The following PLXNA2 variants were observed in gnomAD, a reference collection of about 807,000 sequenced individuals.
PLXNA2 encodes plexin-A2.
PLXNA2 carries 91 observed loss-of-function variants against 193.5 expected under a neutral mutation model. The ratio of observed to expected loss-of-function variants is 0.47; its 90% confidence interval spans 0.40 to 0.56. The LOEUF (loss-of-function observed/expected upper bound fraction) is 0.56, where lower values mean the gene tolerates loss of function less well. Among genes scored for constraint, PLXNA2 ranks in the 20% least tolerant of loss-of-function variants. The probability of loss-of-function intolerance (pLI) is 0.00; values close to 1 mark genes in which losing one functional copy is unlikely to be tolerated. For missense variants in PLXNA2, 1,995 were observed against 2,503.2 expected (o/e 0.80, Z 4.33); for synonymous variants, 997 against 1,027.3 (o/e 0.97, Z 0.56).
chr1:208,210,063 C>T (rs1003663571), intron 3 of PLXNA2: 21 of 311,410 alleles, frequency 6.7e-5, no homozygotes, highest in Non-Finnish European at 1.1e-4. Context: ...TATTGAAATA[C>T]GCTTGCATTC....
At chr1:208,045,625 G>A (rs1208065449) in intron 18 of PLXNA2, among the ~76,000 whole-genome samples, 4 of 152,228 alleles carry the variant, frequency 2.6e-5, no homozygotes, top group African/African-American at 7.2e-5. Flanking sequence ...ACTCACTGCA[G>A]TACCTCTGGT....
At chr1:208,078,501 G>GTACC (rs1190570409) in intron 12 of PLXNA2, among the ~76,000 whole-genome samples, 1 of 152,158 alleles carries the variant, frequency 6.6e-6, no homozygotes, top group Non-Finnish European at 1.5e-5. Flanking sequence ...AGATCACTGG[G>GTACC]TACCTGCCTG....
intron 4 of PLXNA2, among the ~76,000 whole-genome samples, chr1:208,117,725 T>C (rs1019721292): frequency 2.6e-5 from 4 of 151,570 alleles, no homozygotes; most frequent in Non-Finnish European, 4.4e-5. Context: ...TTCCAGTTCA[T>C]GTGAGAAAGA....
intron 1 of PLXNA2, among the ~76,000 whole-genome samples, chr1:208,239,120 G>T (rs191482352): frequency 1.3e-5 from 2 of 150,782 alleles, no homozygotes; most frequent in African/African-American, 4.9e-5. Context: ...TGGGAGTTTC[G>T]AATATATCTC....
At chr1:208,046,212 C>G (rs1011346584) in intron 17 of PLXNA2, 95 bp from the exon 18 acceptor site, 2 of 1,421,466 alleles carry the variant, frequency 1.4e-6, no homozygotes, top group African/African-American at 2.8e-5. Context: ...TGCTTTTGTG[C>G]CTCGTCACTG....
intron 1 of PLXNA2, among the ~76,000 whole-genome samples, chr1:208,225,257 C>T (rs1671473270): frequency 6.6e-6 from 1 of 152,146 alleles, no homozygotes; most frequent in Admixed American, 6.5e-5. Flanking sequence ...ACCCTAAGTA[C>T]CTCAGAATGT....
chr1:208,083,722 G>A (rs1378285249), intron 10 of PLXNA2, among the ~76,000 whole-genome samples: 2 of 152,024 alleles, frequency 1.3e-5, no homozygotes, highest in African/African-American at 2.4e-5. Flanking sequence ...TCTTCTTGGG[G>A]TTAGTATTAT....
chr1:208,216,695 G>T, intron 2 of PLXNA2, 40 bp downstream of exon 2: 1 of 1,577,118 alleles, frequency 6.3e-7, no homozygotes, highest in Non-Finnish European at 8.6e-7. Flanking sequence ...TGGAACCTGT[G>T]TCATGGAGCA....
At chr1:208,166,912 C>A (rs193254555) in intron 3 of PLXNA2, among the ~76,000 whole-genome samples, 2 of 152,334 alleles carry the variant, frequency 1.3e-5, no homozygotes, top group Admixed American at 1.3e-4. Context: ...AACCATGAAG[C>A]TCTCAGCACA....
chr1:208,229,295 A>T (rs1489814844), intron 1 of PLXNA2, among the ~76,000 whole-genome samples: 1 of 152,150 alleles, frequency 6.6e-6, no homozygotes, highest in Admixed American at 6.5e-5. Flanking sequence ...TGTCTTTTTT[A>T]TGTGACTATT....
At chr1:208,162,520 T>G (rs114690832) in intron 3 of PLXNA2, among the ~76,000 whole-genome samples, 273 of 152,334 alleles carry the variant, frequency 1.8e-3, no homozygotes, top group Middle Eastern at 0.01. Context: ...TGTGCTTCTT[T>G]CTTTGAGGAG....
chr1:208,210,434 C>A lies in PLXNA2; in HGVS notation c.1217G>T (p.Gly406Val). The A allele has an allele frequency of 1.9e-6, 3 of 1,613,378 alleles. No individual in the cohort carries two copies. The highest frequency in any genetic ancestry group is 2.5e-6 in the Non-Finnish European group (3 of 1,179,592). Residue 406 changes from glycine (G) to valine (V), a missense_variant, in exon 3 of 32, where the codon GGA becomes GTA. Gly to Val is a moderately radical substitution (Grantham distance 109). Coordinates refer to ENST00000367033, the MANE Select transcript of PLXNA2 (RefSeq NM_025179.4). ...APVPIDDNFC[G>V]LDINQPLGGS... ...TCCCAGGGGCTGGTTGATGTCCAGT[C>A]CACAGAAGTTATCATCGATGGGGAC...
At chr1:208,171,538 G>T (rs2102531259) in intron 3 of PLXNA2, among the ~76,000 whole-genome samples, 1 of 152,284 alleles carries the variant, frequency 6.6e-6, no homozygotes, top group South Asian at 2.1e-4. Flanking sequence ...ACTATTAAAT[G>T]TTGGTAATAG....
chr1:208,240,741 A>T (rs1672021669), intron 1 of PLXNA2, among the ~76,000 whole-genome samples: 1 of 119,202 alleles, frequency 8.4e-6, no homozygotes, highest in Admixed American at 1.1e-4. Context: ...ACAATGCTCC[A>T]GTCTCTTTAT....
Position 208,060,674 on chromosome 1 carries a change from G to T in PLXNA2, c.2738+12C>A. On this transcript the variant is annotated intron_variant, in intron 13 of 31. Coordinates refer to ENST00000367033, the MANE Select transcript of PLXNA2 (RefSeq NM_025179.4). ...GCTCCCATGGGAAAAGGGCTGGCCA[G>T]GGCGGACTCACTGCTCAGCGATGAT... The T allele has an allele frequency of 6.2e-7, 1 of 1,609,394 alleles. No homozygotes were observed. Among genetic ancestry groups the T allele is most frequent in the Non-Finnish European group, 8.5e-7 (1 of 1,177,190 alleles).
At position 208,068,964 on chromosome 1, in the gene PLXNA2, G is replaced by A. The variant is rs148823124; in HGVS notation, c.2587-8127C>T. ...TTGTAGAATAAAAAGTGTGTATATCGTTTGCAGGATTCAGAAGGAAAACAA... is the reference window on the plus strand; with the variant it reads ...TTGTAGAATAAAAAGTGTGTATATCATTTGCAGGATTCAGAAGGAAAACAA... On this transcript the variant is annotated intron_variant, in intron 12 of 31. Coordinates refer to ENST00000367033, the MANE Select transcript of PLXNA2 (RefSeq NM_025179.4). 7.7e-3 allele frequency among the ~76,000 whole-genome samples: 1,166 copies of A among 152,280 alleles called. 12 individuals are homozygous for A. The highest frequency in any genetic ancestry group is 0.025 in the African/African-American group (1,040 of 41,550).
chr1:208,201,762 C>A (rs529447441), intron 3 of PLXNA2, among the ~76,000 whole-genome samples: 9 of 152,164 alleles, frequency 5.9e-5, no homozygotes, highest in African/African-American at 2.2e-4. Flanking sequence ...AAAAAAAAAT[C>A]GAAGTTCACA....
Position 208,034,663 on chromosome 1 carries a change from T to C in PLXNA2, c.4765-71A>G, listed in dbSNP as rs2102306037. 5 of 929,526 alleles carry C rather than the reference T, an allele frequency of 5.4e-6. No individual in the cohort carries two copies. In the East Asian group the frequency reaches 9.7e-5, roughly 18 times the overall value. 57.6% of individuals were successfully genotyped at this position (929,526 alleles called of 1,614,324 possible). On this transcript the variant is annotated intron_variant, in intron 26 of 31. Transcript: ENST00000367033. ...TCTTGGGAAGTTGGATAGTCAAGTA[T>C]TTCTAGAGGGTTATAAGATAGCTGT...
intron 3 of PLXNA2, chr1:208,209,884 A>C: frequency 4.0e-6 from 1 of 249,050 alleles, no homozygotes; most frequent in South Asian, 4.7e-5. Context: ...AGACCAGTAT[A>C]ATCAAGTTTA....
Sources: allele counts gnomAD v4.1 joint callset (sites outside exome capture counted in the v4.1 genomes callset), GRCh38; gene constraint gnomAD v4.1.1; transcripts MANE v1.5; gene names NCBI Gene and HGNC (gene_info 2026-07-23, HGNC 2026-07-21).